The following CCDC39 variants were observed in gnomAD, a reference collection of about 807,000 sequenced individuals.
The protein encoded by CCDC39 is coiled-coil domain-containing protein 39.
Under a neutral mutation model 121.0 loss-of-function variants are expected in CCDC39, and 113 were observed. The ratio of observed to expected loss-of-function variants is 0.93; its 90% CI spans 0.80 to 1.09. The LOEUF is 1.09. Ranked by LOEUF, CCDC39 falls within the 50% of genes least tolerant of loss-of-function variation. The pLI is 0.00. For missense variants in CCDC39, 1,063 were observed against 1,074.7 expected (o/e 0.99, Z 0.15); for synonymous variants, 349 against 352.2 (o/e 0.99, Z 0.10).
At chr3:180,637,843 C>G (rs1717867874) in intron 13 of CCDC39, among the ~76,000 whole-genome samples, 1 of 152,128 alleles carries the variant, frequency 6.6e-6, no homozygotes, top group Non-Finnish European at 1.5e-5. Context: ...AAACCAAACA[C>G]TGCATGTTCT....
chr3:180,644,279 T>A (rs1023385797), intron 11 of CCDC39, 22 bp from the exon 12 acceptor site: 2 of 1,424,996 alleles, frequency 1.4e-6, no homozygotes, highest in Non-Finnish European at 9.4e-7. Flanking sequence ...AAAAAAGGTA[T>A]ATAAATGTAT....
intron 4 of CCDC39, among the ~76,000 whole-genome samples, chr3:180,660,313 C>T (rs564813218): frequency 6.6e-6 from 1 of 152,146 alleles, no homozygotes; most frequent in South Asian, 2.1e-4. Context: ...ATATTCTTAA[C>T]CTGCGATCCA....
chr3:180,626,774 C>T (rs1211679155), intron 14 of CCDC39, among the ~76,000 whole-genome samples: 4 of 152,088 alleles, frequency 2.6e-5, no homozygotes, highest in South Asian at 2.1e-4. Flanking sequence ...CTCCGTCTCA[C>T]AACAGCCAGT....
At chr3:180,643,483 G>A (rs1718006752) in intron 12 of CCDC39, among the ~76,000 whole-genome samples, 1 of 152,012 alleles carries the variant, frequency 6.6e-6, no homozygotes, top group Admixed American at 6.6e-5. Context: ...TAAAAATGCA[G>A]ACTAAAACAA....
rs1712317319 is a variant in CCDC39, at chr3:180,679,041, G to A, written c.90+250C>T. On this transcript the variant is annotated intron_variant, in intron 1 of 19. Transcript: ENST00000476379. This position sits in a 1 kb window ranked among gnomAD's most constrained non-coding sequence, Gnocchi z 4.0. ...AAATAAGTAAGAGGAGTGGGCATGA[G>A]GAAGGGAGTAATAATTCGAGCTTTA... is the stretch of plus-strand genomic sequence containing the variant. 6.6e-6 allele frequency among the ~76,000 whole-genome samples: 1 copy of A among 152,080 alleles called. No homozygotes were observed. Among genetic ancestry groups the A allele is most frequent in the Non-Finnish European group, 1.5e-5 (1 of 68,032 alleles).
intron 9 of CCDC39, among the ~76,000 whole-genome samples, chr3:180,651,065 G>C (rs752120993): frequency 3.3e-5 from 5 of 151,474 alleles, no homozygotes; most frequent in Admixed American, 6.6e-5. Flanking sequence ...CGTGGTTGCA[G>C]GCACCTGTAA....
In CCDC39 at chr3:180,652,150, G is replaced by GT. The variant is rs1257192246; in HGVS notation, c.1034+12dup. On this transcript the variant is annotated intron_variant, in intron 8 of 19. Transcript: ENST00000476379. ...AAATAATCATAAACATATTTAGATA[G>GT]TTTTTTTCTTACCTTGCTGTTTCTT... The GT allele has an allele frequency of 1.5e-6, 2 of 1,325,698 alleles. No homozygotes were observed. The highest frequency in any genetic ancestry group is 1.0e-6 in the Non-Finnish European group (1 of 964,622). 82.1% of individuals were successfully genotyped at this position (1,325,698 alleles called of 1,614,324 possible).
intron 14 of CCDC39, among the ~76,000 whole-genome samples, chr3:180,626,861 T>TTG (rs971323985): frequency 1.3e-5 from 2 of 152,206 alleles, no homozygotes; most frequent in African/African-American, 4.8e-5. Context: ...CAGGTGGTAG[T>TTG]TGCAGTAGTG....
chr3:180,622,577 G>T (rs542727696), intron 14 of CCDC39, among the ~76,000 whole-genome samples: 3 of 151,984 alleles, frequency 2.0e-5, no homozygotes, highest in Non-Finnish European at 4.4e-5. Flanking sequence ...TTATTTTGAG[G>T]TATGTTCCCT....
In CCDC39 at chr3:180,647,150, C is replaced by T; in HGVS notation, c.1456G>A (p.Glu486Lys). 1 of 1,611,724 alleles carries T rather than the reference C, an allele frequency of 6.2e-7. No homozygotes were observed. Among genetic ancestry groups the T allele is most frequent in the Non-Finnish European group, 8.5e-7 (1 of 1,179,052 alleles). ...EKQALEAKIV[E>K]LRKSLEEKKS... ...TTCTCTTCCAAAGACTTCCTAAGTTCAACAATTTTTGCTTCAAGCGCTTGT... is the reference window on the plus strand; with the variant it reads ...TTCTCTTCCAAAGACTTCCTAAGTTTAACAATTTTTGCTTCAAGCGCTTGT... Residue 486 changes from glutamate (E) to lysine (K), a missense_variant, in exon 11 of 20, where the codon GAA (glutamate) becomes AAA (lysine). Glu to Lys is a moderately conservative substitution (Grantham distance 56, BLOSUM62 1). Coordinates refer to ENST00000476379, the MANE Select transcript of CCDC39 (RefSeq NM_181426.2).
chr3:180,650,806 G>T (rs762049896), intron 9 of CCDC39, among the ~76,000 whole-genome samples: 18 of 151,618 alleles, frequency 1.2e-4, no homozygotes, highest in Non-Finnish European at 2.5e-4. Context: ...GTAGTGAGCT[G>T]AGATCATGTC....
intron 1 of CCDC39, among the ~76,000 whole-genome samples, chr3:180,677,260 A>G (rs1364242992): frequency 2.3e-5 from 3 of 132,206 alleles, no homozygotes; most frequent in East Asian, 2.3e-4. Flanking sequence ...TCATTTGAGG[A>G]TAAAATCCAG....
At chr3:180,678,610 T>C (rs1002350010) in intron 1 of CCDC39, among the ~76,000 whole-genome samples, 2 of 151,936 alleles carry the variant, frequency 1.3e-5, no homozygotes, top group Non-Finnish European at 2.9e-5. Context: ...CGCCTCAGCC[T>C]CCCAAAGTGC....
At chr3:180,661,807 G>T in intron 3 of CCDC39, 54 bp downstream of exon 3, 1 of 1,458,378 alleles carries the variant, frequency 6.9e-7, no homozygotes, top group South Asian at 1.3e-5. Flanking sequence ...TGCTCATTTG[G>T]TGATGGAAGA....
chr3:180,616,874 A>G lies in CCDC39; in HGVS notation c.2358T>C (p.Ser786=). ...SEKQAYSFQL[S]KETEEQKPKL... ...TTGGCTTCTGCTCCTCCGTTTCTTT[A>G]CTTAGTTGAAATGAATAAGCCTGCT... is the stretch of plus-strand genomic sequence containing the variant. The change falls in exon 17 of 20, where the codon AGT becomes AGC. Residue 786 remains serine (S), a synonymous_variant. Coordinates refer to ENST00000476379, the MANE Select transcript of CCDC39 (RefSeq NM_181426.2). The G allele has an allele frequency of 6.2e-7, 1 of 1,602,532 alleles. No individual in the cohort carries two copies.
At chr3:180,642,654 G>A (rs976311827) in intron 12 of CCDC39, among the ~76,000 whole-genome samples, 1 of 151,978 alleles carries the variant, frequency 6.6e-6, no homozygotes, top group African/African-American at 2.4e-5. Context: ...AAACACTCCA[G>A]GATATAAGAT....
chr3:180,659,251 G>T (rs1560091911), intron 6 of CCDC39, among the ~76,000 whole-genome samples: 1 of 152,160 alleles, frequency 6.6e-6, no homozygotes, highest in Non-Finnish European at 1.5e-5. Flanking sequence ...AGTGTTTGGA[G>T]TTATAATACT....
intron 1 of CCDC39, among the ~76,000 whole-genome samples, chr3:180,676,238 C>G (rs545134472): frequency 0.019 from 2,884 of 152,250 alleles, 31 homozygotes; most frequent in African/African-American, 0.034. Flanking sequence ...TTTTTGCAAT[C>G]TACTCATCTG....
At chr3:180,637,821 T>G (rs897480153) in intron 13 of CCDC39, among the ~76,000 whole-genome samples, 3 of 152,090 alleles carry the variant, frequency 2.0e-5, no homozygotes, top group Non-Finnish European at 4.4e-5. Context: ...AGCAAACTAA[T>G]GCAGGAACAG....
Sources: allele counts gnomAD v4.1 joint callset (sites outside exome capture counted in the v4.1 genomes callset), GRCh38; gene constraint gnomAD v4.1.1; non-coding constraint Gnocchi (gnomAD v3.1); transcripts MANE v1.5; gene names NCBI Gene and HGNC (gene_info 2026-07-23, HGNC 2026-07-21).